Variants in HM13 observed in about 807,000 individuals in gnomAD.
The protein encoded by HM13 is signal peptide peptidase.
HM13 carries 18 observed loss-of-function variants against 50.0 expected under a neutral mutation model. The observed-to-expected ratio is 0.36, with a 90% CI of 0.25 to 0.53. The LOEUF is 0.53. HM13 is among the 20% of genes least tolerant of loss of function. The pLI, the probability that HM13 is intolerant of heterozygous loss-of-function variation, is 0.90. For missense variants in HM13, 393 were observed against 552.4 expected (o/e 0.71, Z 2.89); for synonymous variants, 197 against 232.6 (o/e 0.85, Z 1.39).
chr20:31,530,781 G>A (rs953142320), intron 2 of HM13, among the ~76,000 whole-genome samples: 1 of 152,158 alleles, frequency 6.6e-6, no homozygotes, highest in African/African-American at 2.4e-5. Flanking sequence ...GGTCTGTCCA[G>A]TGTTGGGGTA....
intron 4 of HM13, chr20:31,548,171 A>C (rs778495006): frequency 1.6e-5 from 12 of 744,578 alleles, no homozygotes; most frequent in Non-Finnish European, 2.8e-5. Context: ...TAAGTTTAAC[A>C]GATACTTTAT....
Position 31,514,518 on chromosome 20 carries a change from G to C in HM13, c.-34G>C, listed in dbSNP as rs1981639772. ...CGCCTGCGTCCCTGCTGCAGCAACCGGAGCTGGAGTCGGATCCCGAACGCA... is the reference window on the plus strand; with the variant it reads ...CGCCTGCGTCCCTGCTGCAGCAACCCGAGCTGGAGTCGGATCCCGAACGCA... On this transcript the variant is annotated 5_prime_UTR_variant, in exon 1 of 13. Coordinates refer to ENST00000398174, the MANE Select transcript of HM13 (RefSeq NM_178581.3). The surrounding 1 kb of genome is among the most constrained non-coding windows in gnomAD (Gnocchi z 4.3). 2 of 1,588,522 alleles carry C rather than the reference G, an allele frequency of 1.3e-6. No individual in the cohort carries two copies. The highest frequency in any genetic ancestry group is 2.3e-5 in the East Asian group (1 of 43,908).
At chr20:31,537,215 C>T (rs148926650) in intron 2 of HM13, among the ~76,000 whole-genome samples, 13 of 152,350 alleles carry the variant, frequency 8.5e-5, no homozygotes, top group African/African-American at 3.1e-4. Context: ...ACACATCATA[C>T]TGCAAAAAGG....
chr20:31,568,400 C>G, intron 12 of HM13, 176 bp downstream of exon 12: 1 of 892,892 alleles, frequency 1.1e-6, no homozygotes, highest in South Asian at 1.9e-5. Flanking sequence ...GGCTGGGAAG[C>G]AGGACAACCC....
At chr20:31,554,255 C>G (rs765797998) in intron 7 of HM13, among the ~76,000 whole-genome samples, 13 of 151,990 alleles carry the variant, frequency 8.6e-5, no homozygotes, top group Non-Finnish European at 1.5e-4. Context: ...AAAATCCCAG[C>G]TACTCAGGAG....
chr20:31,568,333 T>G, intron 12 of HM13, 109 bp downstream of exon 12: 1 of 1,412,732 alleles, frequency 7.1e-7, no homozygotes, highest in South Asian at 1.5e-5. Context: ...TTGCCAGGAG[T>G]AGGCCGCAAG....
intron 3 of HM13, chr20:31,540,998 T>G (rs1003939716): frequency 8.1e-5 from 12 of 147,884 alleles, no homozygotes; most frequent in East Asian, 2.0e-4. Flanking sequence ...AAAAAAGAAA[T>G]AATTGTCTAT....
At chr20:31,558,305 C>G (rs1027609044) in intron 8 of HM13, among the ~76,000 whole-genome samples, 1 of 152,198 alleles carries the variant, frequency 6.6e-6, no homozygotes, top group Non-Finnish European at 1.5e-5. Context: ...TCCTCCTCCC[C>G]CCTCCAGCCA....
intron 2 of HM13, among the ~76,000 whole-genome samples, chr20:31,536,130 G>A (rs1048813693): frequency 2.0e-5 from 3 of 152,168 alleles, no homozygotes; most frequent in African/African-American, 4.8e-5. Context: ...TTGGGAGGCC[G>A]AGGCAGTTGG....
intron 8 of HM13, 149 bp downstream of exon 8, chr20:31,554,978 T>C: frequency 1.4e-6 from 1 of 709,474 alleles, no homozygotes; most frequent in Non-Finnish European, 2.3e-6. Flanking sequence ...GGGTTCCCCC[T>C]TAACATCCGT....
intron 1 of HM13, 124 bp from the exon 2 acceptor site, chr20:31,527,360 C>G: frequency 1.5e-6 from 1 of 648,442 alleles, no homozygotes; most frequent in Non-Finnish European, 2.7e-6. Flanking sequence ...ATGGCAAGAT[C>G]AGAGCATCTT....
intron 1 of HM13, among the ~76,000 whole-genome samples, chr20:31,518,224 G>A (rs528494386): frequency 1.3e-5 from 2 of 151,390 alleles, no homozygotes; most frequent in African/African-American, 2.4e-5. Context: ...TAGTAGAGAC[G>A]GGATTTCTCC....
At chr20:31,560,011 A>G (rs1306952450) in intron 9 of HM13, among the ~76,000 whole-genome samples, 1 of 152,142 alleles carries the variant, frequency 6.6e-6, no homozygotes, top group Admixed American at 6.6e-5. Context: ...CTGAGCACAC[A>G]CTGACCTCAG....
chr20:31,568,362 A>ACTG, intron 12 of HM13, 138 bp downstream of exon 12: 4 of 1,229,432 alleles, frequency 3.3e-6, no homozygotes, highest in Non-Finnish European at 4.4e-6. Flanking sequence ...CTCCACAACC[A>ACTG]CCAGGCAGTG....
At chr20:31,555,261 C>G (rs924860721) in intron 8 of HM13, among the ~76,000 whole-genome samples, 1 of 152,236 alleles carries the variant, frequency 6.6e-6, no homozygotes, top group Non-Finnish European at 1.5e-5. Flanking sequence ...TGCCCTAGCC[C>G]CCTTGCTCCT....
chr20:31,544,218 TGCC>T (rs1983595761), intron 3 of HM13, among the ~76,000 whole-genome samples: 2 of 152,240 alleles, frequency 1.3e-5, no homozygotes, highest in Non-Finnish European at 2.9e-5. Context: ...TCCACAGTAC[TGCC>T]ACCAGGCTGG....
intron 10 of HM13, among the ~76,000 whole-genome samples, chr20:31,563,736 G>A (rs955954504): frequency 2.0e-5 from 3 of 152,170 alleles, no homozygotes; most frequent in Admixed American, 6.5e-5. Context: ...AAGGGCATGC[G>A]GGAAAGACTT....
At chr20:31,521,267 T>G (rs1051507197) in intron 1 of HM13, among the ~76,000 whole-genome samples, 1 of 152,170 alleles carries the variant, frequency 6.6e-6, no homozygotes, top group African/African-American at 2.4e-5. Context: ...AATTTCCAGA[T>G]AGGAAAGATA....
chr20:31,557,173 T>C (rs924586683), intron 8 of HM13, among the ~76,000 whole-genome samples: 4 of 152,200 alleles, frequency 2.6e-5, no homozygotes, highest in African/African-American at 9.6e-5. Context: ...CTTGCACCCA[T>C]GTGTCTTCAT....
Sources: gnomAD v4.1 joint callset for allele counts (sites outside exome capture counted in the v4.1 genomes callset) on GRCh38, gnomAD v4.1.1 for gene constraint, Gnocchi (gnomAD v3.1) non-coding constraint, MANE v1.5 for transcripts, NCBI Gene and HGNC (gene_info 2026-07-23, HGNC 2026-07-21) for gene names.